The following BET1 variants were observed in gnomAD, a reference collection of about 807,000 sequenced individuals.
BET1 encodes BET1 homolog.
BET1 carries 9 observed loss-of-function variants against 13.9 expected under a neutral mutation model. The observed-to-expected ratio is 0.65, with a 90% CI of 0.39 to 1.13. The LOEUF (loss-of-function observed/expected upper bound fraction) is 1.13. Ranked by LOEUF, BET1 falls within the 50% of genes most tolerant of loss-of-function variation. BET1 has a pLI of 0.01. For synonymous variants in BET1, 39 were observed against 47.3 expected, an observed-to-expected ratio of 0.82 and a Z score of 0.72; for missense variants, 127 against 133.6, an observed-to-expected ratio of 0.95 and a Z score of 0.24.
rs377478744 is a variant in BET1 at position 94,004,213 on chromosome 7, T to A, written c.4A>T (p.Arg2Trp). 78 of 1,613,842 alleles carry A rather than the reference T, an allele frequency of 4.8e-5. No homozygotes were observed. Among genetic ancestry groups the A allele is most frequent in the Non-Finnish European group, 6.4e-5 (76 of 1,179,966 alleles). ...CTCTTCTTACCCAGGCCTGCACGCC[T>A]CATCCTGCCAGAGGAGAGAGAGAAA... M[R>W]RAGLGEGVPP... The change falls in exon 1 of 4, where the codon AGG becomes TGG. Residue 2 changes from arginine (R) to tryptophan (W), a missense_variant. Transcript: ENST00000222547.
intron 4 of BET1, among the ~76,000 whole-genome samples, chr7:93,981,085 ATT>A (rs1361154730): frequency 6.6e-6 from 1 of 152,072 alleles, no homozygotes; most frequent in African/African-American, 2.4e-5. Context: ...TCCTATATGA[ATT>A]TTTTGTTAAT....
In BET1 at chr7:93,995,310, G is replaced by T. The variant is rs191908810; in HGVS notation, c.202-925C>A. Among the ~76,000 whole-genome samples, 183 of 152,304 alleles carry T rather than the reference G, an allele frequency of 1.2e-3. 6 individuals carry two copies. The South Asian group carries it at 0.033, about 28-fold the overall frequency. ...AACATAGCTGGAAAATCCTAAAGAT[G>T]AGAGAGGCTTAGGTAGGGACTAGAA... On this transcript the variant is annotated intron_variant, in intron 3 of 3. Transcript: ENST00000222547.
intron 4 of BET1, among the ~76,000 whole-genome samples, chr7:93,976,874 A>T (rs1302886207): frequency 6.6e-6 from 1 of 152,022 alleles, no homozygotes; most frequent in Non-Finnish European, 1.5e-5. Context: ...TATCATTCTT[A>T]TGCCTTTGCG....
At chr7:94,000,271 ATT>A (rs35875914) in intron 1 of BET1, 3 of 142,600 alleles carry the variant, frequency 2.1e-5, no homozygotes, top group Non-Finnish European at 3.1e-5. Flanking sequence ...CACCTGGCTA[ATT>A]TTTTTTTTTT....
chr7:93,994,066 C>T lies in BET1; in HGVS notation c.*164G>A, dbSNP rs1213384807. 6.9e-6 allele frequency: 10 copies of T among 1,452,008 alleles called. No individual in the cohort carries two copies. Among genetic ancestry groups the T allele is most frequent in the African/African-American group, 1.4e-5 (1 of 70,164 alleles). The allele number at this position is 1,452,008 out of a possible 1,614,324, so 89.9% of individuals were successfully genotyped here. On this transcript the variant is annotated 3_prime_UTR_variant, in exon 4 of 4. Transcript: ENST00000222547. The stretch of plus-strand genomic sequence containing the variant: ...TCATTAAGAAACAGTATTCAAAGAC[C>T]ACTGTATTAACTAATGTGATTTATA...
chr7:94,002,462 A>T (rs1260560407), intron 1 of BET1, among the ~76,000 whole-genome samples: 61 of 137,240 alleles, frequency 4.4e-4, no homozygotes, highest in East Asian at 6.2e-4. Flanking sequence ...TTTTTTTAAA[A>T]AAAAAAAAAA....
chr7:93,984,387 T>C (rs971963667), intron 4 of BET1, among the ~76,000 whole-genome samples: 7 of 152,288 alleles, frequency 4.6e-5, no homozygotes, highest in African/African-American at 1.7e-4. Flanking sequence ...GGAACTATTA[T>C]TCAACTCAGT....
intron 4 of BET1, chr7:93,976,234 A>T: frequency 1.6e-6 from 1 of 617,594 alleles, no homozygotes; most frequent in Non-Finnish European, 2.2e-6. Flanking sequence ...AATTAATGGA[A>T]GGCTTATGTG....
downstream of BET1, among the ~76,000 whole-genome samples, chr7:93,988,955 A>G (rs948105028): frequency 6.7e-6 from 1 of 148,182 alleles, no homozygotes; most frequent in Admixed American, 6.8e-5. Flanking sequence ...ATATAAATAT[A>G]TATATATACA....
rs374724468 is a variant in BET1 at position 93,999,255 on chromosome 7, T to G, written c.59A>C (p.Tyr20Ser). The G allele has an allele frequency of 3.1e-6, 5 of 1,613,192 alleles. No homozygotes were observed. In the African/African-American group the frequency reaches 6.7e-5, roughly 22 times the overall value. ...ACAGGCACTATACCCACTATTAGCA[T>G]AGCCATAGTTCCCATAGTTGCCAGG... ...VPPGNYGNYG[Y>S]ANSGYSACEE... The change falls in exon 2 of 4, where the codon TAT becomes TCT. Residue 20 changes from tyrosine (Y) to serine (S), a missense_variant. Coordinates refer to ENST00000222547, the MANE Select transcript of BET1 (RefSeq NM_005868.6).
chr7:93,971,246 C>T (rs759788466), intron 6 of BET1, among the ~76,000 whole-genome samples: 42 of 151,788 alleles, frequency 2.8e-4, no homozygotes, highest in Non-Finnish European at 4.9e-4. Flanking sequence ...AAGCCCAGAC[C>T]CCCTTTTAAC....
At chr7:93,979,338 T>TA (rs775676381) in intron 4 of BET1, among the ~76,000 whole-genome samples, 5 of 152,182 alleles carry the variant, frequency 3.3e-5, no homozygotes, top group Admixed American at 6.5e-5. Flanking sequence ...ACCACCAACT[T>TA]AAAATGTTTT....
At chr7:93,967,358 T>A (rs1584121009) in intron 6 of BET1, among the ~76,000 whole-genome samples, 1 of 151,800 alleles carries the variant, frequency 6.6e-6, no homozygotes, top group East Asian at 1.9e-4. Context: ...GTAATCCTCA[T>A]ACTACAAGAG....
chr7:93,992,252 C>T (rs2116105554), downstream of BET1: 3 of 985,318 alleles, frequency 3.0e-6, no homozygotes, highest in Middle Eastern at 1.0e-3. Flanking sequence ...TTTTATACCA[C>T]CCAAAATCCC....
intron 2 of BET1, among the ~76,000 whole-genome samples, chr7:93,998,169 G>A (rs1382765683): frequency 6.6e-6 from 1 of 152,174 alleles, no homozygotes; most frequent in Non-Finnish European, 1.5e-5. Flanking sequence ...AAGTGTGAGA[G>A]ATAAGATCTC....
At position 93,999,172 on chromosome 7, in the gene BET1, A is replaced by G; in HGVS notation, c.142T>C (p.Ser48Pro). The G allele has an allele frequency of 6.2e-7, 1 of 1,609,152 alleles. No homozygotes were observed. Residue 48 changes from serine (S) to proline (P), a missense_variant and splice_region_variant, in exon 2 of 4, where the codon TCT becomes CCT. Coordinates refer to ENST00000222547, the MANE Select transcript of BET1 (RefSeq NM_005868.6). ...SLRSKVTAIKSLSIEIGHEVK... is the reference protein window; with the variant it reads ...SLRSKVTAIKPLSIEIGHEVK... ...TATAATATTTGTTATATACTTACAG[A>G]TTTTATAGCAGTTACTTTGCTTCTC...
chr7:93,971,003 G>A lies in BET1; in HGVS notation c.*137+1572C>T, dbSNP rs574901420. Among the ~76,000 whole-genome samples the A allele has an allele frequency of 5.9e-5, 9 of 151,862 alleles. No homozygotes were observed. The East Asian group carries it at 1.7e-3, about 29-fold the overall frequency. On this transcript the variant is annotated intron_variant and NMD_transcript_variant, in intron 6 of 6. Transcript: ENST00000357520. ...CTATTATCGAAAGTTTTAAGTAGCT[G>A]TGAATTACTTATAATAGCAAGTACT...
downstream of BET1, among the ~76,000 whole-genome samples, chr7:93,988,739 G>A (rs540357195): frequency 4.9e-4 from 75 of 151,724 alleles, no homozygotes; most frequent in Middle Eastern, 3.4e-3. Flanking sequence ...TACATCCTCC[G>A]GAAAAAGCTG....
intron 4 of BET1, among the ~76,000 whole-genome samples, chr7:93,982,370 T>A (rs1331353707): frequency 1.3e-5 from 2 of 152,156 alleles, no homozygotes; most frequent in African/African-American, 2.4e-5. Flanking sequence ...CTCTCAGTCA[T>A]AAACAAATTT....
Sources: gnomAD v4.1 joint callset for allele counts (sites outside exome capture counted in the v4.1 genomes callset) on GRCh38, gnomAD v4.1.1 for gene constraint, MANE v1.5 for transcripts, NCBI Gene and HGNC (gene_info 2026-07-23, HGNC 2026-07-21) for gene names.